CNTNAP3: variants seen among roughly 807,000 people sequenced by gnomAD.
The protein encoded by CNTNAP3 is contactin associated protein family member 3.
CNTNAP3 carries 36 observed loss-of-function variants against 92.1 expected under a neutral mutation model. That is an observed-to-expected ratio of 0.39 (90% CI 0.30 to 0.52). CNTNAP3 has a LOEUF of 0.52. Among genes scored for constraint, CNTNAP3 ranks in the 20% least tolerant of loss-of-function variants. The probability of loss-of-function intolerance (pLI) is 0.76; values close to 1 mark genes in which losing one functional copy is unlikely to be tolerated. For missense variants in CNTNAP3, 534 were observed against 1,069.6 expected (o/e 0.50, Z 6.98); for synonymous variants, 232 against 422.3 (o/e 0.55, Z 5.53).
intron 4 of CNTNAP3, among the ~76,000 whole-genome samples, chr9:39,180,743 A>G (rs115349066): frequency 0.011 from 1,699 of 149,702 alleles, 51 homozygotes; most frequent in African/African-American, 0.039. Context: ...GTCAACAGTA[A>G]CGAGCCCACC....
intron 4 of CNTNAP3, among the ~76,000 whole-genome samples, chr9:39,180,801 A>ATTCCCTGGAGTCCCTCC (rs1822430879): frequency 6.7e-6 from 1 of 149,766 alleles, no homozygotes; most frequent in African/African-American, 2.4e-5. Flanking sequence ...CCTCTTGAAT[A>ATTCCCTGGAGTCCCTCC]AGATCCTCCC....
chr9:39,104,348 G>A (rs1826543766), intron 15 of CNTNAP3, among the ~76,000 whole-genome samples: 1 of 152,054 alleles, frequency 6.6e-6, no homozygotes, highest in Non-Finnish European at 1.5e-5. Context: ...TCGAGCAGCA[G>A]CTCAGTTTGG....
intron 14 of CNTNAP3, 95 bp from the exon 15 acceptor site, chr9:39,109,382 T>G (rs1826688132): frequency 1.3e-6 from 2 of 1,546,714 alleles, no homozygotes; most frequent in East Asian, 4.7e-5. Context: ...ACCAACATCA[T>G]AGAGCTTAAC....
chr9:39,161,863 T>G (rs1013046958), intron 9 of CNTNAP3, among the ~76,000 whole-genome samples: 8 of 102,042 alleles, frequency 7.8e-5, no homozygotes, highest in South Asian at 3.1e-4. Context: ...AAAAAAAAAG[T>G]AAAGCCTATA....
intron 11 of CNTNAP3, among the ~76,000 whole-genome samples, chr9:39,142,209 G>A (rs1225983774): frequency 6.6e-6 from 1 of 152,144 alleles, no homozygotes; most frequent in Non-Finnish European, 1.5e-5. Context: ...TGTGGTGGTG[G>A]ATATAAATTT....
At position 39,140,570 on chromosome 9, in the gene CNTNAP3, C is replaced by A; in HGVS notation, c.1825G>T (p.Ala609Ser). 1.2e-6 allele frequency: 2 copies of A among 1,613,754 alleles called. No individual in the cohort carries two copies. Among genetic ancestry groups the A allele is most frequent in the Non-Finnish European group, 1.7e-6 (2 of 1,179,792 alleles). ...GNPSGLYYID[A>S]DGSGPLGPFL... The stretch of plus-strand genomic sequence containing the variant: ...GGTCCCAGGGGGCCACTTCCATCTG[C>A]ATCAATATAGTAAAGCCCAGACGGG... Residue 609 changes from alanine (A) to serine (S), a missense_variant, in exon 12 of 24, where the codon GCA becomes TCA. Ala to Ser is a moderately conservative substitution (Grantham distance 99, BLOSUM62 1). Transcript: ENST00000297668.
At position 39,149,907 on chromosome 9, in the gene CNTNAP3, G is replaced by A. The variant is rs200999166; in HGVS notation, c.1548C>T (p.Leu516=). Residue 516 remains leucine, a synonymous_variant, in exon 10 of 24, where the codon CTC becomes CTT. Coordinates refer to ENST00000297668, the MANE Select transcript of CNTNAP3 (RefSeq NM_033655.5). ...CCACCGCTTTGTCACCAATGGTGAT[G>A]AGCCTTAGGCAGCCCTGAAACCCTC... is the stretch of plus-strand genomic sequence containing the variant. ...PLGGFQGCLR[L]ITIGDKAVDP... 1.7e-3 allele frequency: 2,776 copies of A among 1,610,578 alleles called. 4 individuals are homozygous for A. Among genetic ancestry groups the A allele is most frequent in the Non-Finnish European group, 2.1e-3 (2,510 of 1,179,392 alleles).
At chr9:39,083,189 C>T (rs1050912229) in intron 21 of CNTNAP3, among the ~76,000 whole-genome samples, 12 of 151,874 alleles carry the variant, frequency 7.9e-5, no homozygotes, top group Non-Finnish European at 1.6e-4. Context: ...AAATATAGTC[C>T]TTCAGTGGGT....
In CNTNAP3 at chr9:39,123,254, C is replaced by T. The variant is rs1447893544; in HGVS notation, c.2081-4995G>A. Among the ~76,000 whole-genome samples, 3 of 151,978 alleles carry T rather than the reference C, an allele frequency of 2.0e-5. No homozygotes were observed. In the East Asian group the frequency reaches 5.8e-4, roughly 29 times the overall value. Reference sequence around the variant, plus strand: ...GGACTACAGGCGCCCGCCACCACGCCCGGCTAATTTTTTGTATTTTTAGTA... The same window carrying T: ...GGACTACAGGCGCCCGCCACCACGCTCGGCTAATTTTTTGTATTTTTAGTA... On this transcript the variant is annotated intron_variant, in intron 13 of 23. Coordinates refer to ENST00000297668, the MANE Select transcript of CNTNAP3 (RefSeq NM_033655.5).
chr9:39,091,539 A>G lies in CNTNAP3; in HGVS notation c.2996-2892T>C, dbSNP rs201966274. On this transcript the variant is annotated intron_variant, in intron 18 of 23. Coordinates refer to ENST00000297668, the MANE Select transcript of CNTNAP3 (RefSeq NM_033655.5). ...GTTAAAACAACTTTCCATTTCTGGG[A>G]TCATTTCCACTTTGTCTTGATGTAT... Among the ~76,000 whole-genome samples the G allele has an allele frequency of 3.7e-4, 56 of 152,150 alleles. No homozygotes were observed. In the East Asian group the frequency reaches 7.3e-3, roughly 20 times the overall value.
intron 3 of CNTNAP3, among the ~76,000 whole-genome samples, chr9:39,218,414 T>C (rs4961931): frequency 0.12 from 693 of 5,684 alleles, 205 homozygotes; most frequent in East Asian, 0.99. Context: ...CATGAATTTA[T>C]TATTATTATT....
chr9:39,144,958 C>CT (rs1055824903), intron 10 of CNTNAP3, among the ~76,000 whole-genome samples: 35 of 150,378 alleles, frequency 2.3e-4, no homozygotes, highest in Non-Finnish European at 2.7e-4. Context: ...ATCCCAATGC[C>CT]TTTTTTTGCA....
In CNTNAP3 at chr9:39,109,232, C is replaced by T. The variant is rs369844837; in HGVS notation, c.2293G>A (p.Val765Met). ...TGTGGTCGGCCTGCGTCTGTCATCACAATCTGAGTGACTGGCAGGTGCTCC... is the reference window on the plus strand; with the variant it reads ...TGTGGTCGGCCTGCGTCTGTCATCATAATCTGAGTGACTGGCAGGTGCTCC... Reference protein sequence around the residue: ...QKEHLPVTQIVMTDAGRPHSE... With the variant: ...QKEHLPVTQIMMTDAGRPHSE... Residue 765 changes from valine (V) to methionine (M), a missense_variant, in exon 15 of 24, where the codon GTG becomes ATG. Coordinates refer to ENST00000297668, the MANE Select transcript of CNTNAP3 (RefSeq NM_033655.5). 6.3e-5 allele frequency: 102 copies of T among 1,612,702 alleles called. No individual in the cohort carries two copies. The highest frequency in any genetic ancestry group is 1.3e-5 in the African/African-American group (1 of 74,852).
Position 39,069,048 on chromosome 9 carries a change from C to T in CNTNAP3, c.*4842G>A, listed in dbSNP as rs1825578702. Among the ~76,000 whole-genome samples, 2 of 152,260 alleles carry T rather than the reference C, an allele frequency of 1.3e-5. No individual in the cohort carries two copies. Among genetic ancestry groups the T allele is most frequent in the African/African-American group, 4.8e-5 (2 of 41,476 alleles). On this transcript the variant is annotated 3_prime_UTR_variant, in exon 24 of 24. Coordinates refer to ENST00000297668, the MANE Select transcript of CNTNAP3 (RefSeq NM_033655.5). ...TATATATATGTATGTATATAACACA[C>T]ATGAATCATATCCTAAAGATTTGGA...
intron 15 of CNTNAP3, 134 bp downstream of exon 15, chr9:39,109,026 G>C (rs1826676073): frequency 7.2e-7 from 1 of 1,383,666 alleles, no homozygotes. Flanking sequence ...TATGGTATGT[G>C]TGTTTTCCTG....
intron 12 of CNTNAP3, 117 bp downstream of exon 12, chr9:39,140,402 T>G (rs1821547363): frequency 1.4e-6 from 2 of 1,430,094 alleles, no homozygotes; most frequent in Non-Finnish European, 1.9e-6. Context: ...AATATATATT[T>G]AATGCTTCTA....
chr9:39,120,894 AC>A (rs1283482519), intron 13 of CNTNAP3, among the ~76,000 whole-genome samples: 1 of 152,160 alleles, frequency 6.6e-6, no homozygotes, highest in Admixed American at 6.5e-5. Context: ...ATGATAATTG[AC>A]ACAAAAATTG....
chr9:39,091,652 G>T (rs1212923529), intron 18 of CNTNAP3, among the ~76,000 whole-genome samples: 9 of 151,738 alleles, frequency 5.9e-5, no homozygotes, highest in African/African-American at 2.2e-4. Flanking sequence ...TTGGTCTGTA[G>T]ATTTAAAATA....
chr9:39,086,966 A>G (rs1002762297), intron 19 of CNTNAP3, 117 bp from the exon 20 acceptor site: 1 of 745,762 alleles, frequency 1.3e-6, no homozygotes, highest in African/African-American at 1.8e-5. Context: ...TCTATTTAGC[A>G]TCAATTTAGA....
Sources: allele counts gnomAD v4.1 joint callset (sites outside exome capture counted in the v4.1 genomes callset), GRCh38; gene constraint gnomAD v4.1.1; transcripts MANE v1.5; gene names NCBI Gene and HGNC (gene_info 2026-07-23, HGNC 2026-07-21).